KDM4C: variants seen among roughly 807,000 people sequenced by gnomAD.
The protein encoded by KDM4C is lysine demethylase 4C, also known as lysine-specific demethylase 4C.
A neutral mutation model predicts 129.3 loss-of-function variants in KDM4C; 81 were observed. That is an observed-to-expected ratio of 0.63 (90% confidence interval 0.52 to 0.75). KDM4C has a LOEUF of 0.75. Among genes scored for constraint, KDM4C ranks in the 30% least tolerant of loss-of-function variants. The probability of loss-of-function intolerance (pLI) is 0.00; values close to 1 mark genes in which losing one functional copy is unlikely to be tolerated. For missense variants in KDM4C, 1,457 were observed against 1,304.0 expected (o/e 1.12, Z -1.81); for synonymous variants, 573 against 456.1 (o/e 1.26, Z -3.26).
intron 4 of KDM4C, among the ~76,000 whole-genome samples, chr9:6,826,760 G>A (rs759266627): frequency 2.6e-5 from 4 of 151,966 alleles, no homozygotes; most frequent in Non-Finnish European, 5.9e-5. Context: ...CCAGCTATTG[G>A]GGAAGCTGAG....
chr9:7,040,373 G>GTA lies in KDM4C; in HGVS notation c.2260-6488_2260-6487insAT, dbSNP rs1828362576. 1.3e-4 allele frequency among the ~76,000 whole-genome samples: 9 copies of GTA among 71,500 alleles called. No individual in the cohort carries two copies. The East Asian group carries it at 2.0e-3, about 16-fold the overall frequency. The allele number at this position is 71,500 out of a possible 152,430, so 46.9% of individuals were successfully genotyped here. A position where few individuals can be genotyped will look rare whatever the true frequency, so the allele number is the denominator to read the frequency against. ...TCCCTCTCTCTCTACCCCACTCTGT[G>GTA]TGTGTGTGTGTGTGTGTGTGTGTGT... On this transcript the variant is annotated intron_variant, in intron 15 of 21. Coordinates refer to ENST00000381309, the MANE Select transcript of KDM4C (RefSeq NM_015061.6).
At chr9:6,833,937 C>T (rs879398863) in intron 4 of KDM4C, among the ~76,000 whole-genome samples, 6 of 151,944 alleles carry the variant, frequency 3.9e-5, no homozygotes, top group Admixed American at 6.6e-5. Context: ...AAGAAAATGC[C>T]TCTGTCGTTT....
rs895734227 is a variant in KDM4C at position 6,877,451 on chromosome 9, C to G, written c.630-2561C>G. Among the ~76,000 whole-genome samples the G allele has an allele frequency of 3.3e-5, 5 of 152,108 alleles. No homozygotes were observed. In the East Asian group the frequency reaches 9.6e-4, roughly 29 times the overall value. ...TCCTGACCTCATGATCTGCCCGCCT[C>G]GACCTCCCAAAGTGCTGGGATTACA... On this transcript the variant is annotated intron_variant, in intron 5 of 21. Coordinates refer to ENST00000381309, the MANE Select transcript of KDM4C (RefSeq NM_015061.6).
At position 7,030,761 on chromosome 9, in the gene KDM4C, A is replaced by G. The variant is rs1826589350; in HGVS notation, c.2259+14832A>G. Among the ~76,000 whole-genome samples, 3 of 152,214 alleles carry G rather than the reference A, an allele frequency of 2.0e-5. No homozygotes were observed. The South Asian group carries it at 6.2e-4, about 32-fold the overall frequency. ...TTAATTCAGGAGAATTTGAATATTT[A>G]TGCTTGATAGTAATATAGTACAACA... On this transcript the variant is annotated intron_variant, in intron 15 of 21. Coordinates refer to ENST00000381309, the MANE Select transcript of KDM4C (RefSeq NM_015061.6).
At chr9:7,043,694 T>C (rs77634380) in intron 15 of KDM4C, among the ~76,000 whole-genome samples, 2 of 151,996 alleles carry the variant, frequency 1.3e-5, no homozygotes, top group Middle Eastern at 3.4e-3. Context: ...TTTTTTTTTT[T>C]CAAAATTGGG....
chr9:7,005,511 T>C (rs1316371758), intron 12 of KDM4C, among the ~76,000 whole-genome samples: 1 of 150,840 alleles, frequency 6.6e-6, no homozygotes, highest in African/African-American at 2.5e-5. Context: ...GTTTCTACTC[T>C]AATTTATTTA....
chr9:6,725,961 C>T (rs1487317301), intron 1 of KDM4C, among the ~76,000 whole-genome samples: 2 of 147,136 alleles, frequency 1.4e-5, no homozygotes, highest in African/African-American at 2.5e-5. Flanking sequence ...GAGTCTCGAT[C>T]TGTTGCCCAG....
chr9:6,926,630 C>T (rs879586166), intron 8 of KDM4C, among the ~76,000 whole-genome samples: 20 of 152,126 alleles, frequency 1.3e-4, no homozygotes, highest in Non-Finnish European at 2.4e-4. Context: ...TAAGGAAGGC[C>T]GGGTGCTAAG....
intron 18 of KDM4C, among the ~76,000 whole-genome samples, chr9:7,112,622 C>G (rs981565823): frequency 3.9e-5 from 6 of 152,196 alleles, no homozygotes; most frequent in Admixed American, 3.3e-4. Flanking sequence ...CCATCTAATG[C>G]CAGTGAGCTT....
intron 17 of KDM4C, among the ~76,000 whole-genome samples, chr9:7,067,918 C>G (rs1053154542): frequency 2.0e-5 from 3 of 152,208 alleles, no homozygotes; most frequent in African/African-American, 7.2e-5. Flanking sequence ...GCCTCAGCCT[C>G]CCGAGTAGCT....
At chr9:7,127,646 A>T (rs1181905447) in intron 18 of KDM4C, among the ~76,000 whole-genome samples, 2 of 152,184 alleles carry the variant, frequency 1.3e-5, no homozygotes, top group Non-Finnish European at 2.9e-5. Context: ...GAGGGTAGGG[A>T]AGGTGAATAC....
intron 8 of KDM4C, among the ~76,000 whole-genome samples, chr9:6,920,595 T>C (rs192548669): frequency 1.3e-5 from 2 of 151,940 alleles, no homozygotes; most frequent in Non-Finnish European, 2.9e-5. Context: ...TAGAAACTTG[T>C]ATATCATCCT....
intron 1 of KDM4C, among the ~76,000 whole-genome samples, chr9:6,773,568 C>T (rs897637857): frequency 5.9e-5 from 9 of 151,960 alleles, no homozygotes; most frequent in Admixed American, 3.9e-4. Flanking sequence ...GCCAGGAGTT[C>T]GAGACCAGCC....
chr9:6,998,029 C>T (rs188669712), intron 12 of KDM4C, among the ~76,000 whole-genome samples: 3 of 152,046 alleles, frequency 2.0e-5, no homozygotes, highest in Non-Finnish European at 2.9e-5. Flanking sequence ...AGATTAAAGC[C>T]CTGGTTTTGG....
Position 7,013,947 on chromosome 9 carries a change from G to T in KDM4C, c.2128G>T (p.Asp710Tyr). The T allele has an allele frequency of 6.2e-7, 1 of 1,613,978 alleles. No homozygotes were observed. Among genetic ancestry groups the T allele is most frequent in the Non-Finnish European group, 8.5e-7 (1 of 1,179,868 alleles). ...TCCACCCAATGCCTTCCTTGAAGAGGATGGAACAAGTCTCCTTATTTCCTG... is the reference window on the plus strand; with the variant it reads ...TCCACCCAATGCCTTCCTTGAAGAGTATGGAACAAGTCTCCTTATTTCCTG... ...YSPPNAFLEE[D>Y]GTSLLISCAK... The change falls in exon 14 of 22, where the codon GAT becomes TAT. Residue 710 changes from aspartate to tyrosine, a missense_variant. Transcript: ENST00000381309.
intron 4 of KDM4C, among the ~76,000 whole-genome samples, chr9:6,838,898 C>G (rs1306082130): frequency 6.6e-6 from 1 of 152,164 alleles, no homozygotes; most frequent in Admixed American, 6.5e-5. Flanking sequence ...TAGACCAGAA[C>G]TTTCAATTTA....
chr9:7,096,310 A>G (rs1454390790), intron 17 of KDM4C, among the ~76,000 whole-genome samples: 1 of 152,158 alleles, frequency 6.6e-6, no homozygotes, highest in Admixed American at 6.5e-5. Context: ...TTCTTTGTAA[A>G]TGCTGCTTTT....
chr9:7,082,109 C>T (rs1033419928), intron 17 of KDM4C, among the ~76,000 whole-genome samples: 1 of 152,132 alleles, frequency 6.6e-6, no homozygotes, highest in Non-Finnish European at 1.5e-5. Flanking sequence ...AGAGATTCTG[C>T]CGTGCCTCCA....
chr9:7,058,955 C>G (rs1292245570), intron 17 of KDM4C, among the ~76,000 whole-genome samples: 1 of 151,976 alleles, frequency 6.6e-6, no homozygotes, highest in Non-Finnish European at 1.5e-5. Context: ...GATTTGTTGC[C>G]TGTGAAAGAA....
Sources: gnomAD v4.1 joint callset for allele counts (sites outside exome capture counted in the v4.1 genomes callset) on GRCh38, gnomAD v4.1.1 for gene constraint, MANE v1.5 for transcripts, NCBI Gene and HGNC (gene_info 2026-07-23, HGNC 2026-07-21) for gene names.